Variants in TAFA5 observed in about 807,000 individuals in gnomAD.
The protein encoded by TAFA5 is TAFA chemokine like family member 5, also known as chemokine-like protein TAFA-5.
A neutral mutation model predicts 15.3 loss-of-function variants in TAFA5; 6 were observed. The ratio of observed to expected loss-of-function variants is 0.39; its 90% CI spans 0.21 to 0.77. The LOEUF is 0.77. Among genes scored for constraint, TAFA5 ranks in the 30% least tolerant of loss-of-function variants. The probability of loss-of-function intolerance (pLI) is 0.41; values close to 1 mark genes in which losing one functional copy is unlikely to be tolerated. For missense variants in TAFA5, 161 were observed against 193.1 expected, an observed-to-expected ratio of 0.83 and a Z score of 0.98; for synonymous variants, 103 against 80.7, an observed-to-expected ratio of 1.28 and a Z score of -1.48.
At chr22:48,646,854 G>T in intron 2 of TAFA5, 108 bp downstream of exon 2, 1 of 1,339,188 alleles carries the variant, frequency 7.5e-7, no homozygotes, top group Non-Finnish European at 1.0e-6. Flanking sequence ...AGGCCTCAGC[G>T]CATCCTCGGG....
intron 1 of TAFA5, among the ~76,000 whole-genome samples, chr22:48,592,200 G>A (rs895099662): frequency 6.6e-6 from 1 of 152,184 alleles, no homozygotes; most frequent in Non-Finnish European, 1.5e-5. Flanking sequence ...CTGTGCCCAG[G>A]GCACTGTGCC....
At chr22:48,514,529 CAT>C (rs1921335664) in intron 1 of TAFA5, among the ~76,000 whole-genome samples, 1 of 152,142 alleles carries the variant, frequency 6.6e-6, no homozygotes, top group African/African-American at 2.4e-5. Context: ...ACTTGGGCCA[CAT>C]CTCTGAGGAC....
At chr22:48,694,332 A>G (rs1452560132) in intron 2 of TAFA5, among the ~76,000 whole-genome samples, 1 of 152,132 alleles carries the variant, frequency 6.6e-6, no homozygotes, top group Non-Finnish European at 1.5e-5. Flanking sequence ...ATACACACAA[A>G]TACGTAGAAA....
At chr22:48,572,202 C>G (rs1225914406) in intron 1 of TAFA5, among the ~76,000 whole-genome samples, 2 of 152,230 alleles carry the variant, frequency 1.3e-5, no homozygotes, top group Non-Finnish European at 2.9e-5. Flanking sequence ...TCTGCAAACA[C>G]CTAGTGATCT....
At chr22:48,691,145 C>A (rs1318298118) in intron 2 of TAFA5, among the ~76,000 whole-genome samples, 2 of 152,138 alleles carry the variant, frequency 1.3e-5, no homozygotes, top group Non-Finnish European at 2.9e-5. Flanking sequence ...AGCCTCAGGG[C>A]GGCCCGGGGA....
At chr22:48,680,803 C>G (rs549005751) in intron 2 of TAFA5, among the ~76,000 whole-genome samples, 5 of 152,250 alleles carry the variant, frequency 3.3e-5, no homozygotes, top group African/African-American at 1.2e-4. Flanking sequence ...CTGCAGACAC[C>G]TGCACCTGTG....
At chr22:48,527,126 G>A (rs1480615863) in intron 1 of TAFA5, among the ~76,000 whole-genome samples, 2 of 152,222 alleles carry the variant, frequency 1.3e-5, no homozygotes, top group African/African-American at 4.8e-5. Context: ...GCCCTTGCTG[G>A]CCTCCCCTGG....
chr22:48,645,533 A>C (rs1176135663), intron 1 of TAFA5, among the ~76,000 whole-genome samples: 1 of 152,026 alleles, frequency 6.6e-6, no homozygotes, highest in Non-Finnish European at 1.5e-5. Flanking sequence ...CCTTTGGAAG[A>C]AATGTGTCCC....
intron 1 of TAFA5, among the ~76,000 whole-genome samples, chr22:48,558,961 T>C (rs372369058): frequency 7.9e-5 from 12 of 152,320 alleles, no homozygotes; most frequent in East Asian, 5.8e-4. Flanking sequence ...GTCCCCCACA[T>C]TCAAATGGCC....
intron 1 of TAFA5, among the ~76,000 whole-genome samples, chr22:48,525,280 G>A (rs1032147656): frequency 6.6e-5 from 10 of 152,148 alleles, no homozygotes; most frequent in Admixed American, 6.5e-5. Context: ...CCCATGGGGG[G>A]TCCCATCTTA....
At chr22:48,689,666 GA>G (rs1569080349) in intron 2 of TAFA5, among the ~76,000 whole-genome samples, 3 of 151,536 alleles carry the variant, frequency 2.0e-5, no homozygotes, top group East Asian at 2.0e-4. Flanking sequence ...CGGGCGGACA[GA>G]CTGGCCTGTC....
rs141238999 is a variant in TAFA5 at position 48,676,560 on chromosome 22, C to G, written c.262+29814C>G. Among the ~76,000 whole-genome samples the G allele has an allele frequency of 1.7e-3, 260 of 152,344 alleles. 2 individuals are homozygous for G. Among genetic ancestry groups the G allele is most frequent in the African/African-American group, 6.0e-3 (251 of 41,572 alleles). On this transcript the variant is annotated intron_variant, in intron 2 of 3. Transcript: ENST00000402357. ...GTCTACACGGCTCCCACTCTCCAAG[C>G]CTGTGTGATGTCCAGTTCTTTTGTC... is the stretch of plus-strand genomic sequence containing the variant.
chr22:48,718,204 G>A (rs781685592), intron 3 of TAFA5, among the ~76,000 whole-genome samples: 14 of 152,158 alleles, frequency 9.2e-5, no homozygotes, highest in Non-Finnish European at 1.5e-4. Context: ...GTCCTCACCC[G>A]GCCTCTCCCT....
At chr22:48,600,329 C>T (rs28641889) in intron 1 of TAFA5, among the ~76,000 whole-genome samples, 72,601 of 152,084 alleles carry the variant, frequency 0.48, 17,679 homozygotes, top group Admixed American at 0.51. Context: ...TGCAGGGACA[C>T]AGGAGGCCAG....
chr22:48,491,746 C>T (rs1355419213), intron 1 of TAFA5, among the ~76,000 whole-genome samples: 1 of 152,206 alleles, frequency 6.6e-6, no homozygotes, highest in East Asian at 1.9e-4. Context: ...CTGTCGCCTG[C>T]TCTGCCGAGT....
chr22:48,659,710 C>T (rs140297879), intron 2 of TAFA5, among the ~76,000 whole-genome samples: 128 of 152,124 alleles, frequency 8.4e-4, no homozygotes, highest in Middle Eastern at 3.4e-3. Context: ...CAGCAGGGGC[C>T]GGTGCTGGGA....
intron 2 of TAFA5, 74 bp downstream of exon 2, chr22:48,646,820 G>A (rs909074350): frequency 1.1e-5 from 17 of 1,490,092 alleles, no homozygotes; most frequent in East Asian, 2.5e-5. Flanking sequence ...TCCCTGACGC[G>A]GCCCCTTACC....
chr22:48,549,761 A>T (rs1348184759), intron 1 of TAFA5, among the ~76,000 whole-genome samples: 3 of 152,168 alleles, frequency 2.0e-5, no homozygotes, highest in Non-Finnish European at 2.9e-5. Context: ...TGTGGCCTGG[A>T]GTGGTTGTCA....
chr22:48,714,639 G>C (rs983957786), intron 3 of TAFA5, among the ~76,000 whole-genome samples: 3 of 152,214 alleles, frequency 2.0e-5, no homozygotes, highest in African/African-American at 7.2e-5. Context: ...GAAAATCGAC[G>C]TTCTGAGGTG....
Sources: gnomAD v4.1 joint callset for allele counts (sites outside exome capture counted in the v4.1 genomes callset) on GRCh38, gnomAD v4.1.1 for gene constraint, MANE v1.5 for transcripts, NCBI Gene and HGNC (gene_info 2026-07-23, HGNC 2026-07-21) for gene names.